The following LTBP1 variants were observed in gnomAD, a reference collection of about 807,000 sequenced individuals.
The protein encoded by LTBP1 is latent-transforming growth factor beta-binding protein 1.
In LTBP1, 129 loss-of-function variants were observed where a neutral mutation model predicts 207.6. That is an observed-to-expected ratio of 0.62 (90% CI 0.54 to 0.72). The LOEUF (loss-of-function observed/expected upper bound fraction) is 0.72. LTBP1 is among the 30% of genes least tolerant of loss of function. LTBP1 has a pLI of 0.00. For synonymous variants in LTBP1, 963 were observed against 833.7 expected, an observed-to-expected ratio of 1.16 and a Z score of -2.67; for missense variants, 2,281 against 2,217.2, an observed-to-expected ratio of 1.03 and a Z score of -0.58.
chr2:33,006,899 G>A (rs565586247), intron 2 of LTBP1, among the ~76,000 whole-genome samples: 1 of 152,246 alleles, frequency 6.6e-6, no homozygotes, highest in Admixed American at 6.5e-5. Context: ...CTGCTGTCTA[G>A]CTTCCTTCCA....
chr2:32,950,545 ACT>A (rs1252192684), intron 2 of LTBP1, among the ~76,000 whole-genome samples: 2 of 121,018 alleles, frequency 1.7e-5, no homozygotes, highest in Non-Finnish European at 3.4e-5. Context: ...GGTGACAATG[ACT>A]CTGTCTCAAA....
intron 9 of LTBP1, among the ~76,000 whole-genome samples, chr2:33,228,696 C>CTTTTTTTTTTTTTTTTTTT (rs2091596297): frequency 8.5e-6 from 1 of 117,732 alleles, no homozygotes; most frequent in Non-Finnish European, 1.7e-5. Context: ...AGGGTTATAC[C>CTTTTTTTTTTTTTTTTTTT]CTTTTTTTTT....
intron 3 of LTBP1, among the ~76,000 whole-genome samples, chr2:33,099,700 CCT>C (rs1174846073): frequency 1.1e-4 from 17 of 152,210 alleles, no homozygotes; most frequent in African/African-American, 4.1e-4. Context: ...TTATTCTTCC[CCT>C]GTGTTGAGCA....
chr2:33,270,100 T>G (rs1384954698), intron 15 of LTBP1, among the ~76,000 whole-genome samples: 1 of 151,676 alleles, frequency 6.6e-6, no homozygotes, highest in Non-Finnish European at 1.5e-5. Context: ...CTATTTTTAG[T>G]AAGGATGGGG....
chr2:33,159,993 T>C (rs2084319542), intron 5 of LTBP1, among the ~76,000 whole-genome samples: 1 of 152,114 alleles, frequency 6.6e-6, no homozygotes, highest in Non-Finnish European at 1.5e-5. Flanking sequence ...GCAATTTTTC[T>C]ACCTCAGCCG....
intron 2 of LTBP1, among the ~76,000 whole-genome samples, chr2:32,963,838 C>T (rs1440154663): frequency 6.6e-6 from 1 of 152,150 alleles, no homozygotes; most frequent in Non-Finnish European, 1.5e-5. Context: ...AAGCACCCAT[C>T]TGACTGATCC....
At chr2:33,387,936 C>G (rs1253570882) in intron 31 of LTBP1, among the ~76,000 whole-genome samples, 1 of 152,180 alleles carries the variant, frequency 6.6e-6, no homozygotes, top group African/African-American at 2.4e-5. Flanking sequence ...GTCCTGGGGC[C>G]TGTAGCCTGC....
chr2:32,950,902 C>G (rs1158060420), intron 2 of LTBP1, among the ~76,000 whole-genome samples: 2 of 152,186 alleles, frequency 1.3e-5, no homozygotes, highest in African/African-American at 2.4e-5. Context: ...CAAAGATGTT[C>G]TAGAAGATCC....
At position 33,133,756 on chromosome 2, in the gene LTBP1, C is replaced by T. The variant is rs561996753; in HGVS notation, c.1034-1037C>T. On this transcript the variant is annotated intron_variant, in intron 4 of 33. Transcript: ENST00000404816. ...GATTGGGTCCCTGAACTGTAGCTTG[C>T]TGACCTCTGATAGAGACGTTGAAAG... 1.2e-4 allele frequency among the ~76,000 whole-genome samples: 19 copies of T among 152,302 alleles called. 1 individual carries two copies. The South Asian group carries it at 3.9e-3, about 32-fold the overall frequency.
intron 5 of LTBP1, among the ~76,000 whole-genome samples, chr2:33,175,839 G>A (rs546207237): frequency 0.015 from 2,262 of 149,126 alleles, 22 homozygotes; most frequent in East Asian, 0.025. Flanking sequence ...AAAATGATGA[G>A]TTCATGTCCT....
Position 33,295,384 on chromosome 2 carries a change from G to A in LTBP1, c.3235+2102G>A, listed in dbSNP as rs570041291. 2.6e-3 allele frequency among the ~76,000 whole-genome samples: 392 copies of A among 152,046 alleles called. 1 individual carries two copies. Among genetic ancestry groups the A allele is most frequent in the Non-Finnish European group, 3.9e-3 (264 of 67,980 alleles). On this transcript the variant is annotated intron_variant, in intron 20 of 33. Coordinates refer to ENST00000404816, the MANE Select transcript of LTBP1 (RefSeq NM_206943.4). Reference sequence around the variant, plus strand: ...TCTACTAAAAATACAAAAATTAGCCGGGCTTGGTGGCATGCGCATGTAATC... The same window carrying A: ...TCTACTAAAAATACAAAAATTAGCCAGGCTTGGTGGCATGCGCATGTAATC...
At chr2:33,127,515 T>C (rs532559463) in intron 4 of LTBP1, among the ~76,000 whole-genome samples, 1 of 152,300 alleles carries the variant, frequency 6.6e-6, no homozygotes, top group South Asian at 2.1e-4. Context: ...GGCCTCTTCA[T>C]TTCCAACCCC....
intron 5 of LTBP1, among the ~76,000 whole-genome samples, chr2:33,181,390 G>A (rs1263066150): frequency 1.3e-5 from 2 of 152,174 alleles, no homozygotes; most frequent in Non-Finnish European, 2.9e-5. Context: ...ACTGCAAGTT[G>A]TTTTACAGAC....
intron 23 of LTBP1, among the ~76,000 whole-genome samples, chr2:33,313,943 A>T (rs2094224404): frequency 6.6e-6 from 1 of 152,152 alleles, no homozygotes; most frequent in Admixed American, 6.5e-5. Flanking sequence ...TAGGCGCTTT[A>T]TGTTGTCATC....
chr2:33,266,728 G>A (rs1410571519), intron 15 of LTBP1, among the ~76,000 whole-genome samples: 7 of 152,106 alleles, frequency 4.6e-5, no homozygotes, highest in Admixed American at 6.5e-5. Flanking sequence ...CCCGCAGAAA[G>A]GAGCTACCCA....
intron 5 of LTBP1, among the ~76,000 whole-genome samples, chr2:33,166,733 T>A (rs1422652829): frequency 5.9e-5 from 9 of 152,230 alleles, no homozygotes; most frequent in Non-Finnish European, 7.3e-5. Context: ...CCCTGAGGAA[T>A]GAATAGGCAT....
chr2:33,308,701 A>G (rs2094136274), intron 22 of LTBP1, among the ~76,000 whole-genome samples: 1 of 152,208 alleles, frequency 6.6e-6, no homozygotes. Context: ...GTTTAATAAT[A>G]CAATATCATT....
rs374794898 is a variant in LTBP1, at chr2:33,365,317, A to G, written c.4541-16A>G. 5.8e-5 allele frequency: 93 copies of G among 1,612,992 alleles called. No individual in the cohort carries two copies. Among genetic ancestry groups the G allele is most frequent in the Non-Finnish European group, 7.1e-5 (84 of 1,179,168 alleles). The stretch of plus-strand genomic sequence containing the variant: ...ATAACTGTGCGATTTTCATGGAACT[A>G]TGTCTTCCCTTTCAGAACAAATAGA... On this transcript the variant is annotated splice_polypyrimidine_tract_variant and intron_variant, in intron 30 of 33. Coordinates refer to ENST00000404816, the MANE Select transcript of LTBP1 (RefSeq NM_206943.4).
At chr2:32,991,760 C>G (rs10175299) in intron 2 of LTBP1, among the ~76,000 whole-genome samples, 42,306 of 152,070 alleles carry the variant, frequency 0.28, 6,123 homozygotes, top group Admixed American at 0.33. Context: ...TCCTCCAGCC[C>G]TGTTGCAACC....
Sources: allele counts gnomAD v4.1 joint callset (sites outside exome capture counted in the v4.1 genomes callset), GRCh38; gene constraint gnomAD v4.1.1; transcripts MANE v1.5; gene names NCBI Gene and HGNC (gene_info 2026-07-23, HGNC 2026-07-21).